Variants in SMIM13 observed in about 807,000 individuals in gnomAD.
SMIM13 encodes the protein small integral membrane protein 13.
In SMIM13, 3 loss-of-function variants were observed where a neutral mutation model predicts 5.9. The observed-to-expected ratio is 0.51, with a 90% CI of 0.23 to 1.31. The LOEUF (loss-of-function observed/expected upper bound fraction) is 1.31. Among genes scored for constraint, SMIM13 ranks in the 40% most tolerant of loss-of-function variants. The pLI is 0.18. For synonymous variants in SMIM13, 55 were observed against 46.0 expected, an observed-to-expected ratio of 1.19 and a Z score of -0.79; for missense variants, 85 against 109.9, an observed-to-expected ratio of 0.77 and a Z score of 1.01.
intron 1 of SMIM13, among the ~76,000 whole-genome samples, chr6:11,132,735 CAG>C (rs1448278335): frequency 2.0e-5 from 3 of 152,040 alleles, no homozygotes; most frequent in Non-Finnish European, 2.9e-5. Flanking sequence ...TCCATAGAGA[CAG>C]AGAGTAGATT....
At chr6:11,108,568 G>T (rs569503696) in intron 1 of SMIM13, among the ~76,000 whole-genome samples, 1 of 152,312 alleles carries the variant, frequency 6.6e-6, no homozygotes, top group South Asian at 2.1e-4. Context: ...CACAGAAGTA[G>T]CATTTGGGCA....
chr6:11,104,886 C>T (rs1173102004), intron 1 of SMIM13: 9 of 1,614,178 alleles, frequency 5.6e-6, no homozygotes, highest in Non-Finnish European at 6.8e-6. Context: ...ACAGACTGTA[C>T]TTGGAAGAGT....
At position 11,106,617 on chromosome 6, in the gene SMIM13, G is replaced by T. The variant is rs370957347; in HGVS notation, c.76+12228G>T. Among the ~76,000 whole-genome samples, 7 of 152,198 alleles carry T rather than the reference G, an allele frequency of 4.6e-5. No homozygotes were observed. The East Asian group carries it at 9.6e-4, about 21-fold the overall frequency. ...TTTCTTTTCAATACCCATGTTGGGT[G>T]GCCCAATCTGTTTCTTCCTTAATGT... On this transcript the variant is annotated intron_variant, in intron 1 of 1. Coordinates refer to ENST00000416247, the MANE Select transcript of SMIM13 (RefSeq NM_001135575.2).
chr6:11,110,233 C>A (rs916380809), intron 1 of SMIM13, among the ~76,000 whole-genome samples: 1 of 152,192 alleles, frequency 6.6e-6, no homozygotes, highest in Non-Finnish European at 1.5e-5. Flanking sequence ...CTGATCCCAT[C>A]CCATTTCTGG....
rs2113632310 is a variant in SMIM13, at chr6:11,093,859, G to A, written c.-455G>A. 6.6e-6 allele frequency among the ~76,000 whole-genome samples: 1 copy of A among 152,364 alleles called. No individual in the cohort carries two copies. The highest frequency in any genetic ancestry group is 2.1e-4 in the South Asian group (1 of 4,832). On this transcript the variant is annotated 5_prime_UTR_variant, in exon 1 of 2. Coordinates refer to ENST00000416247, the MANE Select transcript of SMIM13 (RefSeq NM_001135575.2). ...GGAGAAGCCGCTACAGCCGCGGCCG[G>A]GCGACGCTGACATCTGGCATCCCTG...
At chr6:11,129,160 T>C (rs1363692418) in intron 1 of SMIM13, among the ~76,000 whole-genome samples, 1 of 152,056 alleles carries the variant, frequency 6.6e-6, no homozygotes, top group East Asian at 1.9e-4. Flanking sequence ...TTATACCCAC[T>C]AATCAACCTC....
chr6:11,129,080 G>GC (rs957006152), intron 1 of SMIM13, among the ~76,000 whole-genome samples: 2 of 104,788 alleles, frequency 1.9e-5, no homozygotes, highest in African/African-American at 6.7e-5. Context: ...ACCGGGAGCG[G>GC]GGGGGGGATG....
In SMIM13 at chr6:11,094,234, GA is replaced by G. The variant is rs1189446875; in HGVS notation, c.-78del. 1 of 766,488 alleles carries G rather than the reference GA, an allele frequency of 1.3e-6. No homozygotes were observed. Among genetic ancestry groups the G allele is most frequent in the African/African-American group, 1.9e-5 (1 of 53,136 alleles). 47.5% of individuals were successfully genotyped at this position (766,488 alleles called of 1,614,324 possible). A position where few individuals can be genotyped will look rare whatever the true frequency, so the allele number is the denominator to read the frequency against. On this transcript the variant is annotated 5_prime_UTR_variant, in exon 1 of 2. Coordinates refer to ENST00000416247, the MANE Select transcript of SMIM13 (RefSeq NM_001135575.2). ...CCAGCCGCGCCTGGCGCCCGCCGCTGAAGCGCAGGACGCGCCGCCGCCCGCG... is the reference window on the plus strand; with the variant it reads ...CCAGCCGCGCCTGGCGCCCGCCGCTGAGCGCAGGACGCGCCGCCGCCCGCG...
Position 11,135,393 on chromosome 6 carries a change from A to T in SMIM13, c.*791A>T, listed in dbSNP as rs765478056. 6.6e-6 allele frequency: 1 copy of T among 152,662 alleles called. No individual in the cohort carries two copies. The highest frequency in any genetic ancestry group is 1.5e-5 in the Non-Finnish European group (1 of 68,044). 9.5% of individuals were successfully genotyped at this position (152,662 alleles called of 1,614,324 possible). ...TGCCTATCACACGCCAAGCAATGCA[A>T]TTGAAGGCAGGAGAAGTTGCCAAAA... On this transcript the variant is annotated 3_prime_UTR_variant, in exon 2 of 2. Coordinates refer to ENST00000416247, the MANE Select transcript of SMIM13 (RefSeq NM_001135575.2).
intron 1 of SMIM13, chr6:11,104,271 C>T (rs1362000886): frequency 2.6e-6 from 4 of 1,551,612 alleles, no homozygotes; most frequent in African/African-American, 2.7e-5. Context: ...CCTCCTCACC[C>T]TGGGCAACGG....
rs1331567604 is a variant in SMIM13, at chr6:11,098,005, G to T, written c.76+3616G>T. On this transcript the variant is annotated intron_variant, in intron 1 of 1. Transcript: ENST00000416247. ...CTCCTCTTCCTTGAATACAAACATG[G>T]AGTTCAGATCAAGAGGCTCTGCTCT... Among the ~76,000 whole-genome samples, 3 of 152,044 alleles carry T rather than the reference G, an allele frequency of 2.0e-5. No homozygotes were observed. The East Asian group carries it at 5.8e-4, about 29-fold the overall frequency.
intron 1 of SMIM13, among the ~76,000 whole-genome samples, chr6:11,126,372 T>C (rs1488732872): frequency 6.6e-6 from 1 of 152,198 alleles, no homozygotes; most frequent in African/African-American, 2.4e-5. Flanking sequence ...TCAAATAGCC[T>C]GTCTTCAAGG....
At position 11,094,160 on chromosome 6, in the gene SMIM13, C is replaced by G. The variant is rs534671700; in HGVS notation, c.-154C>G. The G allele has an allele frequency of 4.7e-3, 784 of 166,346 alleles. 4 individuals are homozygous for G. Among genetic ancestry groups the G allele is most frequent in the Middle Eastern group, 0.012 (4 of 326 alleles). 10.3% of individuals were successfully genotyped at this position (166,346 alleles called of 1,614,324 possible). ...TGCCCGCCTTTGCGCCGCCCCACCC[C>G]CTGGGGGCGCTGCCGAGGGGGCGCC... On this transcript the variant is annotated 5_prime_UTR_variant, in exon 1 of 2. Transcript: ENST00000416247.
chr6:11,102,964 T>C (rs1016603022), intron 1 of SMIM13: 3 of 152,228 alleles, frequency 2.0e-5, no homozygotes, highest in African/African-American at 7.2e-5. Flanking sequence ...ATTGCCTTGG[T>C]AGGCCCTTGA....
At position 11,137,034 on chromosome 6, in the gene SMIM13, C is replaced by G. The variant is rs1419205976; in HGVS notation, c.*2432C>G. On this transcript the variant is annotated 3_prime_UTR_variant, in exon 2 of 2. Coordinates refer to ENST00000416247, the MANE Select transcript of SMIM13 (RefSeq NM_001135575.2). Reference sequence around the variant, plus strand: ...AGAATGATGGCTGATGTAACTCTGCCCCTGAAATCTACAAGGGTCATGCCC... The same window carrying G: ...AGAATGATGGCTGATGTAACTCTGCGCCTGAAATCTACAAGGGTCATGCCC... 1 of 151,974 alleles carries G rather than the reference C, an allele frequency of 6.6e-6. No homozygotes were observed. The highest frequency in any genetic ancestry group is 2.4e-5 in the African/African-American group (1 of 41,360). 9.4% of individuals were successfully genotyped at this position (151,974 alleles called of 1,614,324 possible).
rs534327234 is a variant in SMIM13 at position 11,124,612 on chromosome 6, TATGTACACAGTGTTTCCACC to T, written c.77-9789_77-9770del. On this transcript the variant is annotated intron_variant, in intron 1 of 1. Coordinates refer to ENST00000416247, the MANE Select transcript of SMIM13 (RefSeq NM_001135575.2). Reference sequence around the variant, plus strand: ...GTTCTCCATAGTGGTGTTACTAATTTATGTACACAGTGTTTCCACCAGCACTGTACAAGGGTTCCTTTTTT... The same window carrying T: ...GTTCTCCATAGTGGTGTTACTAATTTAGCACTGTACAAGGGTTCCTTTTTT... Among the ~76,000 whole-genome samples, 39 of 152,302 alleles carry T rather than the reference TATGTACACAGTGTTTCCACC, an allele frequency of 2.6e-4. 1 individual carries two copies. In the East Asian group the frequency reaches 6.9e-3, roughly 27 times the overall value.
chr6:11,109,554 C>T (rs1758139059), intron 1 of SMIM13, among the ~76,000 whole-genome samples: 1 of 152,106 alleles, frequency 6.6e-6, no homozygotes, highest in South Asian at 2.1e-4. Flanking sequence ...TTTACAAGCC[C>T]AACAAAGGTC....
intron 1 of SMIM13, chr6:11,102,621 G>C (rs2113640863): frequency 6.6e-6 from 1 of 152,330 alleles, no homozygotes; most frequent in South Asian, 2.1e-4. Flanking sequence ...GCAAGACAAA[G>C]AAAATACTTG....
At chr6:11,110,579 T>C (rs1758151982) in intron 1 of SMIM13, among the ~76,000 whole-genome samples, 1 of 152,154 alleles carries the variant, frequency 6.6e-6, no homozygotes, top group African/African-American at 2.4e-5. Context: ...ATTAGAGGAA[T>C]GGAGGAAAAT....
Sources: allele counts gnomAD v4.1 joint callset (sites outside exome capture counted in the v4.1 genomes callset), GRCh38; gene constraint gnomAD v4.1.1; transcripts MANE v1.5; gene names NCBI Gene and HGNC (gene_info 2026-07-23, HGNC 2026-07-21).